Variants in DIS3L2 observed in about 807,000 individuals in gnomAD.
DIS3L2 encodes DIS3-like exonuclease 2.
A neutral mutation model predicts 97.5 loss-of-function variants in DIS3L2; 34 were observed. The ratio of observed to expected loss-of-function variants is 0.35; its 90% CI spans 0.27 to 0.46. The LOEUF is 0.46. Among genes scored for constraint, DIS3L2 ranks in the 20% least tolerant of loss-of-function variants. The pLI, the probability that DIS3L2 is intolerant of heterozygous loss-of-function variation, is 1.00. For synonymous variants in DIS3L2, 435 were observed against 445.2 expected, an observed-to-expected ratio of 0.98 and a Z score of 0.29; for missense variants, 1,038 against 1,146.0, an observed-to-expected ratio of 0.91 and a Z score of 1.36.
chr2:232,018,117 A>T (rs1694407220), intron 3 of DIS3L2, among the ~76,000 whole-genome samples: 1 of 152,198 alleles, frequency 6.6e-6, no homozygotes, highest in Admixed American at 6.5e-5. Flanking sequence ...TTGAAAGAAA[A>T]CTAGCCTAGA....
intron 13 of DIS3L2, among the ~76,000 whole-genome samples, chr2:232,342,274 TATATACAC>T (rs1441803249): frequency 6.7e-6 from 1 of 148,524 alleles, no homozygotes; most frequent in Non-Finnish European, 1.5e-5. Flanking sequence ...CACATATACA[TATATACAC>T]ATATATGCAT....
intron 9 of DIS3L2, among the ~76,000 whole-genome samples, chr2:232,201,741 G>A (rs1199843043): frequency 6.6e-6 from 1 of 152,170 alleles, no homozygotes; most frequent in Non-Finnish European, 1.5e-5. Context: ...TTAAAGTATG[G>A]AGAGGGAAAG....
At chr2:232,129,198 G>A (rs939734445) in intron 6 of DIS3L2, among the ~76,000 whole-genome samples, 43 of 152,206 alleles carry the variant, frequency 2.8e-4, no homozygotes, top group African/African-American at 9.4e-4. Flanking sequence ...TCTCACTGCA[G>A]TGTCTTGATT....
chr2:232,120,713 G>A (rs1697873410), intron 6 of DIS3L2, among the ~76,000 whole-genome samples: 1 of 152,088 alleles, frequency 6.6e-6, no homozygotes, highest in South Asian at 2.1e-4. Context: ...TGGCTTTGAT[G>A]TTTCAGAGGA....
intron 6 of DIS3L2, among the ~76,000 whole-genome samples, chr2:232,105,076 C>G (rs372257742): frequency 5.3e-5 from 8 of 152,148 alleles, no homozygotes; most frequent in East Asian, 1.9e-4. Context: ...CCCTGGCCCC[C>G]CAAAGTGCTG....
At chr2:232,044,571 A>G (rs1695188409) in intron 5 of DIS3L2, among the ~76,000 whole-genome samples, 1 of 152,150 alleles carries the variant, frequency 6.6e-6, no homozygotes, top group Non-Finnish European at 1.5e-5. Context: ...ATGCCTAGGG[A>G]CATATAGGTA....
intron 6 of DIS3L2, among the ~76,000 whole-genome samples, chr2:232,121,114 A>AT (rs1697890698): frequency 6.6e-6 from 1 of 152,074 alleles, no homozygotes; most frequent in South Asian, 2.1e-4. Context: ...CCACACCCTC[A>AT]TTCCCACAGT....
intron 5 of DIS3L2, among the ~76,000 whole-genome samples, chr2:232,030,813 T>G (rs1694784911): frequency 6.6e-6 from 1 of 152,168 alleles, no homozygotes; most frequent in Admixed American, 6.6e-5. Flanking sequence ...CTTTTTTGTT[T>G]TATTTATTTG....
intron 10 of DIS3L2, among the ~76,000 whole-genome samples, chr2:232,211,098 C>T (rs1236802440): frequency 6.6e-6 from 1 of 151,774 alleles, no homozygotes; most frequent in African/African-American, 2.4e-5. Context: ...GAAAAGTGAA[C>T]CCTTCCAATC....
chr2:232,159,777 AG>A (rs1271842426), intron 8 of DIS3L2, among the ~76,000 whole-genome samples: 1 of 152,200 alleles, frequency 6.6e-6, no homozygotes, highest in Non-Finnish European at 1.5e-5. Flanking sequence ...CCTTTAACCA[AG>A]TTGAAGAAAT....
chr2:232,320,304 G>C (rs1488913121), intron 14 of DIS3L2, among the ~76,000 whole-genome samples: 2 of 152,134 alleles, frequency 1.3e-5, no homozygotes, highest in Admixed American at 1.3e-4. Context: ...TGTGTTCCAG[G>C]GGGTGATAAG....
At chr2:232,159,333 C>T (rs1176525651) in intron 8 of DIS3L2, among the ~76,000 whole-genome samples, 1 of 152,242 alleles carries the variant, frequency 6.6e-6, no homozygotes, top group Non-Finnish European at 1.5e-5. Context: ...GCTGCTGCCA[C>T]CGCTGCTATC....
chr2:232,204,732 A>G (rs1691983898), intron 9 of DIS3L2, among the ~76,000 whole-genome samples: 1 of 152,190 alleles, frequency 6.6e-6, no homozygotes, highest in African/African-American at 2.4e-5. Flanking sequence ...AATCCCAAGC[A>G]TGTTAACTGA....
intron 14 of DIS3L2, among the ~76,000 whole-genome samples, chr2:232,311,257 G>A (rs1575010817): frequency 1.3e-5 from 2 of 152,362 alleles, no homozygotes; most frequent in South Asian, 4.1e-4. Context: ...AGCATATAGT[G>A]TGACTTATGC....
chr2:232,284,352 C>G (rs935466127), intron 13 of DIS3L2, among the ~76,000 whole-genome samples: 1 of 152,204 alleles, frequency 6.6e-6, no homozygotes, highest in African/African-American at 2.4e-5. Flanking sequence ...TTCTGTGAGC[C>G]TCCAGCTTCC....
chr2:232,130,683 A>T lies in DIS3L2; in HGVS notation c.666A>T (p.Arg222Ser), dbSNP rs751721861. ...CCACCTGCATTTCACAAGACACAAG[A>T]GCTTTATCGGAGAAATCCCTGCAAA... ...DETTCISQDT[R>S]ALSEKSLQRS... The change falls in exon 7 of 21, where the codon AGA becomes AGT. Residue 222 changes from arginine to serine, a missense_variant. Coordinates refer to ENST00000325385, the MANE Select transcript of DIS3L2 (RefSeq NM_152383.5). 1.2e-6 allele frequency: 2 copies of T among 1,613,932 alleles called. No homozygotes were observed. The highest frequency in any genetic ancestry group is 2.2e-5 in the South Asian group (2 of 91,062).
At chr2:232,341,474 T>C (rs899188598), downstream of DIS3L2, among the ~76,000 whole-genome samples, 4 of 151,672 alleles carry the variant, frequency 2.6e-5, no homozygotes, top group African/African-American at 7.3e-5. Context: ...AAAACAGCAG[T>C]GCAAGCAAGA....
intron 5 of DIS3L2, among the ~76,000 whole-genome samples, chr2:232,065,512 A>G (rs548527686): frequency 6.6e-6 from 1 of 152,142 alleles, no homozygotes; most frequent in South Asian, 2.1e-4. Context: ...TTGAAAATCA[A>G]TTTACTATAT....
chr2:232,275,048 C>G (rs1280557035), intron 13 of DIS3L2, among the ~76,000 whole-genome samples: 1 of 152,020 alleles, frequency 6.6e-6, no homozygotes, highest in Non-Finnish European at 1.5e-5. Context: ...TCCCACTAAC[C>G]CCTATCCTTC....
Sources: gnomAD v4.1 joint callset for allele counts (sites outside exome capture counted in the v4.1 genomes callset) on GRCh38, gnomAD v4.1.1 for gene constraint, MANE v1.5 for transcripts, NCBI Gene and HGNC (gene_info 2026-07-23, HGNC 2026-07-21) for gene names.